Variants in VPS13B observed in about 807,000 individuals in gnomAD.
VPS13B encodes intermembrane lipid transfer protein VPS13B.
Under a neutral mutation model 426.4 loss-of-function variants are expected in VPS13B, and 285 were observed. The ratio of observed to expected loss-of-function variants is 0.67; its 90% CI spans 0.61 to 0.74. The LOEUF (loss-of-function observed/expected upper bound fraction) is 0.74. Ranked by LOEUF, VPS13B falls within the 30% of genes least tolerant of loss-of-function variation. The pLI is 0.00. For missense variants in VPS13B, 4,537 were observed against 4,782.6 expected, an observed-to-expected ratio of 0.95 and a Z score of 1.51; for synonymous variants, 1,676 against 1,676.4, an observed-to-expected ratio of 1.00 and a Z score of 0.01.
At chr8:99,330,538 C>A (rs911616467) in intron 19 of VPS13B, among the ~76,000 whole-genome samples, 4 of 151,930 alleles carry the variant, frequency 2.6e-5, no homozygotes, top group African/African-American at 9.7e-5. Context: ...TGTCTTCCCT[C>A]ACCCCTACTC....
intron 39 of VPS13B, among the ~76,000 whole-genome samples, chr8:99,764,110 A>C (rs1289710072): frequency 6.6e-6 from 1 of 152,172 alleles, no homozygotes; most frequent in African/African-American, 2.4e-5. Flanking sequence ...ATATTTTTTT[A>C]AATAATGTGC....
In VPS13B at chr8:99,854,225, G is replaced by A; in HGVS notation, c.10836G>A (p.Met3612Ile). The change falls in exon 56 of 62, where the codon ATG (methionine) becomes ATA (isoleucine). Residue 3612 changes from methionine to isoleucine, a missense_variant. Met to Ile is a conservative substitution (Grantham distance 10). This residue lies in a region of VPS13B where 4,311 missense variants were observed against 4,474.3 expected (regional missense o/e 0.96). Transcript: ENST00000357162. ...GGCAGCTTGTGCACGCCCTGGCAAT[G>A]CACTATGCCGCTGGGGCCCTTTTTA... is the stretch of plus-strand genomic sequence containing the variant. Reference protein sequence around the residue: ...TARQLVHALAMHYAAGALFRA... With the variant: ...TARQLVHALAIHYAAGALFRA... 1.2e-6 allele frequency: 2 copies of A among 1,614,064 alleles called. No individual in the cohort carries two copies. Among genetic ancestry groups the A allele is most frequent in the Non-Finnish European group, 1.7e-6 (2 of 1,180,014 alleles).
intron 44 of VPS13B, among the ~76,000 whole-genome samples, chr8:99,812,810 G>C (rs1813788550): frequency 1.3e-5 from 2 of 151,962 alleles, no homozygotes; most frequent in South Asian, 4.2e-4. Flanking sequence ...AGTGCATCTG[G>C]TGCTCTGGAG....
chr8:99,805,618 A>G (rs1220400973), intron 43 of VPS13B, among the ~76,000 whole-genome samples: 1 of 152,206 alleles, frequency 6.6e-6, no homozygotes, highest in African/African-American at 2.4e-5. Flanking sequence ...AAAACTGTAT[A>G]TGCTTCCATC....
chr8:99,766,767 A>C lies in VPS13B; in HGVS notation c.7051-7A>C, dbSNP rs772934540. On this transcript the variant is annotated splice_polypyrimidine_tract_variant and splice_region_variant and intron_variant, in intron 39 of 61. Coordinates refer to ENST00000357162, the MANE Select transcript of VPS13B (RefSeq NM_152564.5). Reference sequence around the variant, plus strand: ...GCAACTTCTAAATTTTTTTTATTTTAACATAGGTTCCTTGTAGCTTGGAAT... The same window carrying C: ...GCAACTTCTAAATTTTTTTTATTTTCACATAGGTTCCTTGTAGCTTGGAAT... 106 of 1,611,058 alleles carry C rather than the reference A, an allele frequency of 6.6e-5. 1 individual carries two copies. In the South Asian group the frequency reaches 1.1e-3, roughly 17 times the overall value.
chr8:99,673,614 T>C (rs957891563), intron 35 of VPS13B, among the ~76,000 whole-genome samples: 4 of 151,986 alleles, frequency 2.6e-5, no homozygotes, highest in Non-Finnish European at 5.9e-5. Context: ...TCTGCTCTGA[T>C]CTTTATTTTA....
Position 99,274,337 on chromosome 8 carries a change from G to T in VPS13B, c.2650+5G>T, listed in dbSNP as rs1818779545. On this transcript the variant is annotated splice_donor_5th_base_variant and intron_variant, in intron 18 of 61. Coordinates refer to ENST00000357162, the MANE Select transcript of VPS13B (RefSeq NM_152564.5). Reference sequence around the variant, plus strand: ...AAATTTGTGCCAAAGCCCCAGGTATGTGCAGCTGGACCGTGTAAAACTTTA... The same window carrying T: ...AAATTTGTGCCAAAGCCCCAGGTATTTGCAGCTGGACCGTGTAAAACTTTA... 6.2e-7 allele frequency: 1 copy of T among 1,613,980 alleles called. No homozygotes were observed. The highest frequency in any genetic ancestry group is 1.7e-5 in the Admixed American group (1 of 60,006).
At chr8:99,645,635 G>A (rs1829550981) in intron 34 of VPS13B, among the ~76,000 whole-genome samples, 1 of 152,176 alleles carries the variant, frequency 6.6e-6, no homozygotes, top group African/African-American at 2.4e-5. Context: ...ACATCTGTAA[G>A]GCTCTGCAGT....
intron 25 of VPS13B, among the ~76,000 whole-genome samples, chr8:99,495,412 T>C (rs1038202109): frequency 1.3e-5 from 2 of 152,244 alleles, no homozygotes; most frequent in Admixed American, 6.5e-5. Context: ...AGATCTGGTA[T>C]CTGAACTTCT....
intron 39 of VPS13B, among the ~76,000 whole-genome samples, chr8:99,758,332 G>A (rs1395688402): frequency 3.3e-5 from 5 of 152,168 alleles, no homozygotes; most frequent in Non-Finnish European, 5.9e-5. Context: ...GAGGATTAGT[G>A]AGTTAAGTTA....
intron 39 of VPS13B, among the ~76,000 whole-genome samples, chr8:99,757,948 C>A (rs921456911): frequency 2.0e-5 from 3 of 152,124 alleles, no homozygotes; most frequent in Non-Finnish European, 4.4e-5. Context: ...CCAGTGAAAC[C>A]AATTTACTTG....
chr8:99,776,218 T>C (rs1052196038), intron 40 of VPS13B, among the ~76,000 whole-genome samples: 1 of 152,150 alleles, frequency 6.6e-6, no homozygotes, highest in Admixed American at 6.5e-5. Context: ...ACAGAACAAA[T>C]GGCCCGTAAG....
chr8:99,392,851 T>C (rs1814516962), intron 21 of VPS13B, among the ~76,000 whole-genome samples: 1 of 152,116 alleles, frequency 6.6e-6, no homozygotes, highest in South Asian at 2.1e-4. Context: ...TTTGTTGAGA[T>C]TTTATCAATT....
intron 23 of VPS13B, among the ~76,000 whole-genome samples, chr8:99,465,609 A>C (rs1193873045): frequency 6.6e-6 from 1 of 152,104 alleles, no homozygotes; most frequent in Non-Finnish European, 1.5e-5. Context: ...ATTTGAAAAA[A>C]TATATATAGC....
intron 17 of VPS13B, among the ~76,000 whole-genome samples, chr8:99,250,271 T>C (rs1817435220): frequency 6.6e-6 from 1 of 152,228 alleles, no homozygotes; most frequent in Admixed American, 6.5e-5. Context: ...TTCTAGATAC[T>C]AGTCCTTCAG....
intron 3 of VPS13B, among the ~76,000 whole-genome samples, chr8:99,054,994 TA>T (rs1384523963): frequency 6.6e-5 from 10 of 152,086 alleles, no homozygotes; most frequent in African/African-American, 2.2e-4. Context: ...TGCTTTGTAG[TA>T]AGTTTTGAAA....
intron 34 of VPS13B, among the ~76,000 whole-genome samples, chr8:99,655,188 T>C (rs894856038): frequency 6.6e-6 from 1 of 152,184 alleles, no homozygotes; most frequent in African/African-American, 2.4e-5. Flanking sequence ...GCTTGCAGAT[T>C]ATTTACTTCC....
intron 19 of VPS13B, among the ~76,000 whole-genome samples, chr8:99,276,225 A>C (rs546334662): frequency 2.0e-5 from 3 of 152,258 alleles, no homozygotes; most frequent in African/African-American, 7.2e-5. Context: ...TATTATGATA[A>C]TATTTGCAGT....
chr8:99,375,318 T>C (rs1320914472), intron 19 of VPS13B, among the ~76,000 whole-genome samples: 1 of 152,242 alleles, frequency 6.6e-6, no homozygotes, highest in Non-Finnish European at 1.5e-5. Context: ...CTTTGACTTT[T>C]ATAGTTTTTA....
Sources: allele counts gnomAD v4.1 joint callset (sites outside exome capture counted in the v4.1 genomes callset), GRCh38; gene constraint gnomAD v4.1.1; regional missense constraint gnomAD v4.1.1; transcripts MANE v1.5; gene names NCBI Gene and HGNC (gene_info 2026-07-23, HGNC 2026-07-21).